Variants in FHIT observed in about 807,000 individuals in gnomAD.
FHIT encodes the protein bis(5'-adenosyl)-triphosphatase.
In FHIT, 19 loss-of-function variants were observed where a neutral mutation model predicts 17.9. That is an observed-to-expected ratio of 1.06 (90% CI 0.74 to 1.56). The LOEUF (loss-of-function observed/expected upper bound fraction) is 1.56, where lower values mean the gene tolerates loss of function less well. Ranked by LOEUF, FHIT falls within the 40% of genes most tolerant of loss-of-function variation. The pLI is 0.00. For missense variants in FHIT, 248 were observed against 189.2 expected, an observed-to-expected ratio of 1.31 and a Z score of -1.82; for synonymous variants, 81 against 69.7, an observed-to-expected ratio of 1.16 and a Z score of -0.81.
intron 3 of FHIT, among the ~76,000 whole-genome samples, chr3:61,011,039 C>T (rs565445307): frequency 2.0e-5 from 3 of 152,244 alleles, no homozygotes; most frequent in South Asian, 2.1e-4. Flanking sequence ...AGGTAAACTT[C>T]GAATGTTTCC....
chr3:60,282,327 C>T (rs1192779400), intron 5 of FHIT, among the ~76,000 whole-genome samples: 1 of 152,092 alleles, frequency 6.6e-6, no homozygotes, highest in Admixed American at 6.6e-5. Context: ...TTTAAAAGAA[C>T]TCTTATGCCA....
At chr3:60,117,398 ATTTT>A (rs1181471268) in intron 5 of FHIT, among the ~76,000 whole-genome samples, 1 of 150,336 alleles carries the variant, frequency 6.7e-6, no homozygotes. Flanking sequence ...GAGGATTTAA[ATTTT>A]TTTATTTTTA....
chr3:60,442,167 C>T (rs2030942099), intron 5 of FHIT, among the ~76,000 whole-genome samples: 7 of 151,854 alleles, frequency 4.6e-5, no homozygotes, highest in Admixed American at 3.3e-4. Context: ...GCCCTGGTCA[C>T]TCTGAAAGGA....
intron 1 of FHIT, among the ~76,000 whole-genome samples, chr3:61,229,121 C>A (rs1173792813): frequency 6.6e-6 from 1 of 151,942 alleles, no homozygotes; most frequent in Admixed American, 6.6e-5. Flanking sequence ...CTGGAGCCTG[C>A]AAATATTACT....
At chr3:60,088,142 T>C (rs1009143729) in intron 5 of FHIT, among the ~76,000 whole-genome samples, 1 of 152,162 alleles carries the variant, frequency 6.6e-6, no homozygotes, top group Admixed American at 6.5e-5. Flanking sequence ...GGTGCTAGTC[T>C]CTTTTCAACA....
At chr3:60,117,423 A>T (rs534348896) in intron 5 of FHIT, among the ~76,000 whole-genome samples, 41 of 148,958 alleles carry the variant, frequency 2.8e-4, no homozygotes, top group Non-Finnish European at 5.5e-4. Context: ...TTACAGCTTC[A>T]GTGATTAGCA....
chr3:59,813,548 G>A (rs984119336), intron 8 of FHIT, among the ~76,000 whole-genome samples: 1 of 152,180 alleles, frequency 6.6e-6, no homozygotes. Context: ...GGATTTGGAG[G>A]TAGTCTTTGG....
At chr3:60,038,213 G>C (rs1043855082) in intron 5 of FHIT, among the ~76,000 whole-genome samples, 3 of 152,008 alleles carry the variant, frequency 2.0e-5, no homozygotes, top group African/African-American at 7.2e-5. Context: ...TTACATTTTT[G>C]AAAGGGTTTA....
chr3:60,139,503 C>G (rs544366386), intron 5 of FHIT, among the ~76,000 whole-genome samples: 38 of 152,302 alleles, frequency 2.5e-4, no homozygotes, highest in African/African-American at 8.7e-4. Context: ...TAGAAGCTTT[C>G]TCAGCCTAAG....
At chr3:60,870,349 G>A (rs899525931) in intron 3 of FHIT, among the ~76,000 whole-genome samples, 1 of 152,124 alleles carries the variant, frequency 6.6e-6, no homozygotes, top group African/African-American at 2.4e-5. Flanking sequence ...GTCAGTTGTA[G>A]AAAAATATAC....
intron 3 of FHIT, among the ~76,000 whole-genome samples, chr3:60,934,527 A>G (rs561965176): frequency 6.6e-6 from 1 of 152,326 alleles, no homozygotes; most frequent in African/African-American, 2.4e-5. Flanking sequence ...AGTGCAGGCA[A>G]GGATGACAGT....
intron 5 of FHIT, among the ~76,000 whole-genome samples, chr3:60,217,669 C>A (rs1703759724): frequency 1.3e-5 from 2 of 152,144 alleles, no homozygotes; most frequent in Non-Finnish European, 2.9e-5. Context: ...TCATCAGGAG[C>A]CTGTCTTCCC....
intron 4 of FHIT, among the ~76,000 whole-genome samples, chr3:60,724,488 T>A (rs1553708831): frequency 6.6e-6 from 1 of 152,220 alleles, no homozygotes; most frequent in Non-Finnish European, 1.5e-5. Context: ...TCCCCTTGAA[T>A]AGCTACCTAA....
At chr3:60,266,679 G>A (rs1012946648) in intron 5 of FHIT, among the ~76,000 whole-genome samples, 1 of 152,010 alleles carries the variant, frequency 6.6e-6, no homozygotes, top group Non-Finnish European at 1.5e-5. Flanking sequence ...ATCCTGGCCA[G>A]TGACTTAAGC....
chr3:59,829,608 A>ATATCCAT (rs2106697523), intron 8 of FHIT, among the ~76,000 whole-genome samples: 1 of 152,304 alleles, frequency 6.6e-6, no homozygotes, highest in Non-Finnish European at 1.5e-5. Context: ...TATTCCATGA[A>ATATCCAT]TATCCATGTG....
chr3:60,048,342 A>T (rs1701736903), intron 5 of FHIT, among the ~76,000 whole-genome samples: 2 of 151,742 alleles, frequency 1.3e-5, no homozygotes, highest in Admixed American at 1.3e-4. Flanking sequence ...ACGCTTCCCT[A>T]ATTTTTTGTA....
At chr3:60,082,814 T>C (rs893607152) in intron 5 of FHIT, among the ~76,000 whole-genome samples, 12 of 152,110 alleles carry the variant, frequency 7.9e-5, no homozygotes, top group South Asian at 2.1e-4. Context: ...CACTTTGTAA[T>C]AGGGCTGTTT....
chr3:60,277,989 A>C (rs952510858), intron 5 of FHIT, among the ~76,000 whole-genome samples: 2 of 152,208 alleles, frequency 1.3e-5, no homozygotes, highest in African/African-American at 4.8e-5. Flanking sequence ...GGTCCAAAGC[A>C]AACTAGTATC....
intron 2 of FHIT, among the ~76,000 whole-genome samples, chr3:61,188,954 T>A (rs4688335): frequency 0.17 from 26,317 of 151,360 alleles, 2,687 homozygotes; most frequent in East Asian, 0.44. Context: ...GAGCTATCTA[T>A]GACAAACCCA....
Sources: gnomAD v4.1 joint callset for allele counts (sites outside exome capture counted in the v4.1 genomes callset) on GRCh38, gnomAD v4.1.1 for gene constraint, MANE v1.5 for transcripts, NCBI Gene and HGNC (gene_info 2026-07-23, HGNC 2026-07-21) for gene names.